Variants in CLK4 observed in about 807,000 individuals in gnomAD.
The protein encoded by CLK4 is CDC like kinase 4, also known as dual specificity protein kinase CLK4.
Under a neutral mutation model 64.4 loss-of-function variants are expected in CLK4, and 37 were observed. The ratio of observed to expected loss-of-function variants is 0.57; its 90% CI spans 0.44 to 0.76. The LOEUF (loss-of-function observed/expected upper bound fraction) is 0.76, where lower values mean the gene tolerates loss of function less well. Ranked by LOEUF, CLK4 falls within the 30% of genes least tolerant of loss-of-function variation. The pLI, the probability that CLK4 is intolerant of heterozygous loss-of-function variation, is 0.00. For synonymous variants in CLK4, 175 were observed against 191.6 expected (o/e 0.91, Z 0.72); for missense variants, 457 against 605.1 (o/e 0.76, Z 2.57).
At position 178,612,893 on chromosome 5, in the gene CLK4, A is replaced by G. The variant is rs1008938535; in HGVS notation, c.827-3T>C. ...GGTTAATTTATTATGATGTAAAACT[A>G]CAAGAGAACAAAAGCACATTATTAG... On this transcript the variant is annotated splice_polypyrimidine_tract_variant and splice_region_variant and intron_variant, in intron 7 of 12. Coordinates refer to ENST00000316308, the MANE Select transcript of CLK4 (RefSeq NM_020666.3). 2 of 1,405,712 alleles carry G rather than the reference A, an allele frequency of 1.4e-6. No homozygotes were observed. The highest frequency in any genetic ancestry group is 2.0e-6 in the Non-Finnish European group (2 of 1,005,306). The allele number at this position is 1,405,712 out of a possible 1,614,324, so 87.1% of individuals were successfully genotyped here. A position where few individuals can be genotyped will look rare whatever the true frequency, so the allele number is the denominator to read the frequency against.
intron 2 of CLK4, chr5:178,619,603 A>G (rs1005543867): frequency 7.6e-6 from 2 of 261,810 alleles, no homozygotes; most frequent in Non-Finnish European, 1.5e-5. Flanking sequence ...AATACCTAAG[A>G]AACAACAGAA....
intron 1 of CLK4, 123 bp from the exon 2 acceptor site, chr5:178,623,539 T>A: frequency 1.3e-6 from 1 of 747,090 alleles, no homozygotes; most frequent in Non-Finnish European, 1.9e-6. Context: ...CTCCAAAATC[T>A]TTTTAGGTGG....
At chr5:178,609,520 A>G (rs1336546790) in intron 9 of CLK4, among the ~76,000 whole-genome samples, 1 of 151,890 alleles carries the variant, frequency 6.6e-6, no homozygotes, top group Non-Finnish European at 1.5e-5. Context: ...GTCTCTACTA[A>G]AAATACAAAA....
At chr5:178,606,078 T>C (rs968417931) in intron 10 of CLK4, among the ~76,000 whole-genome samples, 2 of 152,358 alleles carry the variant, frequency 1.3e-5, no homozygotes, top group South Asian at 2.1e-4. Flanking sequence ...TTCCAAATCG[T>C]TGTGATACAT....
intron 1 of CLK4, among the ~76,000 whole-genome samples, chr5:178,626,494 G>A (rs189319396): frequency 6.6e-6 from 1 of 152,238 alleles, no homozygotes; most frequent in Non-Finnish European, 1.5e-5. Flanking sequence ...GCGCACTCAA[G>A]ACAGGGGCAA....
intron 1 of CLK4, among the ~76,000 whole-genome samples, chr5:178,626,323 A>C (rs1189363778): frequency 1.3e-5 from 2 of 152,210 alleles, no homozygotes; most frequent in Non-Finnish European, 2.9e-5. Flanking sequence ...AACCACCAGA[A>C]ACGCAGGTTC....
At chr5:178,622,470 C>T (rs993404218) in intron 2 of CLK4, 37 of 981,140 alleles carry the variant, frequency 3.8e-5, no homozygotes, top group Non-Finnish European at 4.0e-5. Flanking sequence ...CTGCACAAAA[C>T]GAGAAAACAG....
At chr5:178,605,217 C>A in intron 11 of CLK4, 86 bp downstream of exon 11, 1 of 658,970 alleles carries the variant, frequency 1.5e-6, no homozygotes, top group Non-Finnish European at 2.3e-6. Flanking sequence ...TCCTTGGAAT[C>A]AGTATTACAA....
intron 1 of CLK4, among the ~76,000 whole-genome samples, chr5:178,626,587 G>A (rs1199293406): frequency 6.6e-6 from 1 of 152,264 alleles, no homozygotes. Flanking sequence ...CCGACAACAC[G>A]AATGCCAGAG....
chr5:178,626,189 C>T (rs1312045325), intron 1 of CLK4, among the ~76,000 whole-genome samples: 1 of 152,178 alleles, frequency 6.6e-6, no homozygotes, highest in African/African-American at 2.4e-5. Flanking sequence ...GTAAAAAGCA[C>T]AATCGCACAG....
chr5:178,603,525 T>A lies in CLK4; in HGVS notation c.*92A>T. The A allele has an allele frequency of 3.4e-6, 3 of 890,792 alleles. No individual in the cohort carries two copies. The highest frequency in any genetic ancestry group is 4.8e-6 in the Non-Finnish European group (3 of 623,862). The allele number at this position is 890,792 out of a possible 1,614,324, so 55.2% of individuals were successfully genotyped here. A position where few individuals can be genotyped will look rare whatever the true frequency, so the allele number is the denominator to read the frequency against. The stretch of plus-strand genomic sequence containing the variant: ...CACTTAACTGTACAAAATAATTTAA[T>A]GTTTACAAAAATATTAGAATGTTTA... On this transcript the variant is annotated 3_prime_UTR_variant, in exon 13 of 13. Transcript: ENST00000316308.
intron 2 of CLK4, chr5:178,622,967 GTTA>G (rs1313451109): frequency 6.3e-6 from 2 of 318,838 alleles, no homozygotes; most frequent in East Asian, 8.9e-5. Context: ...CCCTAATCAC[GTTA>G]CTGGCAGTTG....
At chr5:178,620,652 C>T (rs879552674) in intron 2 of CLK4, 4 of 449,884 alleles carry the variant, frequency 8.9e-6, no homozygotes, top group East Asian at 7.0e-5. Context: ...TAAGGGCATT[C>T]GTTTTTATAT....
intron 5 of CLK4, among the ~76,000 whole-genome samples, chr5:178,614,356 G>C (rs1764598511): frequency 6.6e-6 from 1 of 152,176 alleles, no homozygotes; most frequent in South Asian, 2.1e-4. Flanking sequence ...TTGTCAGATT[G>C]GGAAGGAAAC....
intron 1 of CLK4, among the ~76,000 whole-genome samples, chr5:178,626,083 C>A (rs926524601): frequency 2.0e-5 from 3 of 152,164 alleles, no homozygotes; most frequent in Non-Finnish European, 4.4e-5. Context: ...CTTTACGCTA[C>A]GTACATGGCT....
intron 2 of CLK4, chr5:178,620,425 T>A (rs1197372954): frequency 3.8e-6 from 1 of 260,398 alleles, no homozygotes; most frequent in African/African-American, 2.2e-5. Context: ...AAACATGGAG[T>A]GAACACCATG....
At chr5:178,609,392 T>C (rs954639908) in intron 9 of CLK4, among the ~76,000 whole-genome samples, 1 of 152,144 alleles carries the variant, frequency 6.6e-6, no homozygotes, top group Non-Finnish European at 1.5e-5. Flanking sequence ...TGGATAATAA[T>C]AGAGCATGGG....
intron 10 of CLK4, among the ~76,000 whole-genome samples, chr5:178,606,037 A>G (rs1241727004): frequency 1.3e-5 from 2 of 152,212 alleles, no homozygotes; most frequent in Non-Finnish European, 2.9e-5. Context: ...TTTTAAAAGA[A>G]ATCTATCAAC....
rs1290747943 is a variant in CLK4, at chr5:178,623,386, C to G, written c.31G>C (p.Asp11His). The change falls in exon 2 of 13, where the codon GAT becomes CAT. Residue 11 changes from aspartate to histidine, a missense_variant. Physicochemically the swap from Asp to His is moderately conservative, Grantham distance 81. Transcript: ENST00000316308. MRHSKRTHCP[D>H]WDSRESWGHE... ...CCCCAGCTTTCTCTGCTATCCCAAT[C>G]AGGACAGTGAGTTCTTTTGGAATGC... 6.2e-7 allele frequency: 1 copy of G among 1,613,546 alleles called. No homozygotes were observed. Among genetic ancestry groups the G allele is most frequent in the Non-Finnish European group, 8.5e-7 (1 of 1,179,854 alleles).
Sources: gnomAD v4.1 joint callset for allele counts (sites outside exome capture counted in the v4.1 genomes callset) on GRCh38, gnomAD v4.1.1 for gene constraint, MANE v1.5 for transcripts, NCBI Gene and HGNC (gene_info 2026-07-23, HGNC 2026-07-21) for gene names.